The following IQCJ variants were observed in gnomAD, a reference collection of about 807,000 sequenced individuals.
IQCJ encodes the protein IQ motif containing J.
IQCJ carries 9 observed loss-of-function variants against 11.0 expected under a neutral mutation model. The ratio of observed to expected loss-of-function variants is 0.82; its 90% CI spans 0.49 to 1.43. IQCJ has a LOEUF of 1.43. Ranked by LOEUF, IQCJ falls within the 40% of genes most tolerant of loss-of-function variation. The pLI is 0.00. For synonymous variants in IQCJ, 55 were observed against 51.3 expected, an observed-to-expected ratio of 1.07 and a Z score of -0.31; for missense variants, 146 against 133.2, an observed-to-expected ratio of 1.10 and a Z score of -0.47.
intron 1 of IQCJ, among the ~76,000 whole-genome samples, chr3:159,152,791 T>C (rs1461815699): frequency 6.6e-6 from 1 of 152,190 alleles, no homozygotes; most frequent in African/African-American, 2.4e-5. Context: ...AATGTAACAA[T>C]AGATTCAGTG....
chr3:159,243,408 T>C (rs905057731), intron 1 of IQCJ, among the ~76,000 whole-genome samples: 3 of 152,198 alleles, frequency 2.0e-5, no homozygotes, highest in Non-Finnish European at 4.4e-5. Flanking sequence ...TTGTTGTGTA[T>C]GTGTACAATA....
chr3:159,166,984 A>T (rs565389412), intron 1 of IQCJ, among the ~76,000 whole-genome samples: 6 of 152,322 alleles, frequency 3.9e-5, no homozygotes, highest in African/African-American at 1.4e-4. Context: ...ATAAAATTAA[A>T]TTCTGTAGGA....
intron 1 of IQCJ, among the ~76,000 whole-genome samples, chr3:159,213,540 T>C (rs2108097858): frequency 6.6e-6 from 1 of 152,356 alleles, no homozygotes; most frequent in African/African-American, 2.4e-5. Flanking sequence ...CTATCACTGT[T>C]TGTGTTTATG....
chr3:159,153,626 A>T (rs1162078079), intron 1 of IQCJ, among the ~76,000 whole-genome samples: 3 of 152,252 alleles, frequency 2.0e-5, no homozygotes, highest in African/African-American at 7.2e-5. Context: ...AATGAAGAAT[A>T]AATGTGAAAG....
chr3:159,216,539 A>G (rs1234736789), intron 1 of IQCJ, among the ~76,000 whole-genome samples: 1 of 152,072 alleles, frequency 6.6e-6, no homozygotes, highest in Non-Finnish European at 1.5e-5. Context: ...TTATCACTGT[A>G]CCCTGCAGGA....
intron 1 of IQCJ, among the ~76,000 whole-genome samples, chr3:159,086,982 C>T (rs1716826982): frequency 6.6e-6 from 1 of 152,206 alleles, no homozygotes; most frequent in African/African-American, 2.4e-5. Flanking sequence ...GAGAGGGCAT[C>T]CCTGTCTTGT....
chr3:159,217,200 A>C (rs1560029280), intron 1 of IQCJ, among the ~76,000 whole-genome samples: 2 of 152,100 alleles, frequency 1.3e-5, no homozygotes, highest in African/African-American at 4.8e-5. Context: ...GCCTGAGAAC[A>C]GGTAATTTTC....
intron 1 of IQCJ, among the ~76,000 whole-genome samples, chr3:159,219,984 T>C (rs1725445456): frequency 6.6e-6 from 1 of 152,132 alleles, no homozygotes; most frequent in East Asian, 1.9e-4. Context: ...CTGTATGTTT[T>C]TGAAATTTTT....
chr3:159,124,563 G>A (rs1719561945), intron 1 of IQCJ, among the ~76,000 whole-genome samples: 1 of 151,996 alleles, frequency 6.6e-6, no homozygotes, highest in Non-Finnish European at 1.5e-5. Flanking sequence ...AGGTTCCCCT[G>A]ACACATGCCA....
At chr3:159,128,004 C>T (rs1433261873) in intron 1 of IQCJ, among the ~76,000 whole-genome samples, 1 of 152,152 alleles carries the variant, frequency 6.6e-6, no homozygotes, top group Non-Finnish European at 1.5e-5. Flanking sequence ...AAAAAGAGGC[C>T]TCAGTCACTT....
intron 1 of IQCJ, among the ~76,000 whole-genome samples, chr3:159,185,750 ATTC>A (rs1405570503): frequency 6.6e-6 from 1 of 152,096 alleles, no homozygotes; most frequent in African/African-American, 2.4e-5. Context: ...GGGTGCTTCA[ATTC>A]TTCATTTTTG....
intron 1 of IQCJ, among the ~76,000 whole-genome samples, chr3:159,199,331 A>G (rs988696276): frequency 1.3e-5 from 2 of 152,334 alleles, no homozygotes; most frequent in East Asian, 3.9e-4. Context: ...AAGATGATGC[A>G]CTATTGTCTT....
At position 159,095,356 on chromosome 3, in the gene IQCJ, T is replaced by G. The variant is rs560982940; in HGVS notation, c.9+25915T>G. Among the ~76,000 whole-genome samples, 15 of 151,614 alleles carry G rather than the reference T, an allele frequency of 9.9e-5. No individual in the cohort carries two copies. The South Asian group carries it at 2.9e-3, about 29-fold the overall frequency. On this transcript the variant is annotated intron_variant, in intron 1 of 3. Transcript: ENST00000397832. ...CGACAGATCAAGAGGAAAATTTATT[T>G]TATTTTATTTTATTTTTTTTATTAT...
In IQCJ at chr3:159,182,742, C is replaced by T. The variant is rs147657621; in HGVS notation, c.10-63101C>T. ...TCAATGTCTGTAATCTATAGATAAC[C>T]GATTAGGTCAGGGGTCAATCTTTAT... is the stretch of plus-strand genomic sequence containing the variant. On this transcript the variant is annotated intron_variant, in intron 1 of 3. Transcript: ENST00000397832. Among the ~76,000 whole-genome samples, 534 of 151,408 alleles carry T rather than the reference C, an allele frequency of 3.5e-3. 8 individuals carry two copies. Among genetic ancestry groups the T allele is most frequent in the African/African-American group, 0.012 (506 of 40,946 alleles).
chr3:159,104,608 CT>C (rs1718132975), intron 1 of IQCJ, among the ~76,000 whole-genome samples: 1 of 152,164 alleles, frequency 6.6e-6, no homozygotes, highest in Non-Finnish European at 1.5e-5. Flanking sequence ...TCTCCTGGAG[CT>C]CCTGCCCACC....
At chr3:159,229,563 T>C (rs1453763690) in intron 1 of IQCJ, among the ~76,000 whole-genome samples, 4 of 151,732 alleles carry the variant, frequency 2.6e-5, no homozygotes, top group Non-Finnish European at 2.9e-5. Flanking sequence ...TACGTTTTTG[T>C]TAAACAATGA....
At chr3:159,074,967 C>T (rs995038125) in intron 1 of IQCJ, among the ~76,000 whole-genome samples, 6 of 152,068 alleles carry the variant, frequency 3.9e-5, no homozygotes, top group South Asian at 4.1e-4. Flanking sequence ...TAGAGGAAAT[C>T]TGAAACTGCT....
chr3:159,159,868 C>T (rs1336402272), intron 1 of IQCJ, among the ~76,000 whole-genome samples: 1 of 151,464 alleles, frequency 6.6e-6, no homozygotes, highest in Non-Finnish European at 1.5e-5. Context: ...TGACACACTG[C>T]TCCTCCTCAC....
chr3:159,131,946 GTA>G (rs1720014560), intron 1 of IQCJ, among the ~76,000 whole-genome samples: 1 of 129,652 alleles, frequency 7.7e-6, no homozygotes, highest in Non-Finnish European at 1.6e-5. Flanking sequence ...TTTACATTAA[GTA>G]CACACACACA....
Sources: gnomAD v4.1 joint callset for allele counts (sites outside exome capture counted in the v4.1 genomes callset) on GRCh38, gnomAD v4.1.1 for gene constraint, MANE v1.5 for transcripts, NCBI Gene and HGNC (gene_info 2026-07-23, HGNC 2026-07-21) for gene names.